KBTBD13: variants seen among roughly 807,000 people sequenced by gnomAD.
KBTBD13 encodes the protein kelch repeat and BTB domain-containing protein 13.
In KBTBD13, 32 loss-of-function variants were observed where a neutral mutation model predicts 25.4. The observed-to-expected ratio is 1.26, with a 90% CI of 0.95 to 1.69. KBTBD13 has a LOEUF of 1.69. KBTBD13 is among the 40% of genes most tolerant of loss of function. The pLI is 0.00. For missense variants in KBTBD13, 898 were observed against 679.5 expected (o/e 1.32, Z -3.57); for synonymous variants, 436 against 329.8 (o/e 1.32, Z -3.49).
At position 65,078,174 on chromosome 15, in the gene KBTBD13, G is replaced by T. The variant is rs756980652; in HGVS notation, c.1359G>T (p.Ser453=). ...CTGGCGCTCCTGGGCCTGTGACTTC[G>T]ACAACGGCAGAACTGTGACCTCTGG... is the stretch of plus-strand genomic sequence containing the variant. ...LPPGAPGPVT[S]TTAEL The change falls in exon 1 of 1, where the codon TCG becomes TCT. Residue 453 remains serine, a synonymous_variant. Transcript: ENST00000432196. 6 of 1,541,098 alleles carry T rather than the reference G, an allele frequency of 3.9e-6. No homozygotes were observed. Among genetic ancestry groups the T allele is most frequent in the Non-Finnish European group, 5.2e-6 (6 of 1,148,572 alleles).
chr15:65,077,287 G>T lies in KBTBD13; in HGVS notation c.472G>T (p.Ala158Ser). Reference protein sequence around the residue: ...YVAALRPSSYAAVSTHTPAPG... With the variant: ...YVAALRPSSYSAVSTHTPAPG... ...GGCGGCCCTGCGGCCCAGCAGCTACGCGGCCGTGAGCACGCACACGCCCGC... is the reference window on the plus strand; with the variant it reads ...GGCGGCCCTGCGGCCCAGCAGCTACTCGGCCGTGAGCACGCACACGCCCGC... Residue 158 changes from alanine (A) to serine (S), a missense_variant, in exon 1 of 1, where the codon GCG (alanine) becomes TCG (serine). By Grantham distance (99) the Ala-to-Ser change is moderately conservative (BLOSUM62 1). Coordinates refer to ENST00000432196, the MANE Select transcript of KBTBD13 (RefSeq NM_001101362.3). The T allele has an allele frequency of 7.2e-7, 1 of 1,397,940 alleles. No individual in the cohort carries two copies. The highest frequency in any genetic ancestry group is 9.2e-7 in the Non-Finnish European group (1 of 1,082,004). The allele number at this position is 1,397,940 out of a possible 1,614,324, so 86.6% of individuals were successfully genotyped here. A position where few individuals can be genotyped will look rare whatever the true frequency, so the allele number is the denominator to read the frequency against.
chr15:65,077,783 A>G lies in KBTBD13; in HGVS notation c.968A>G (p.Tyr323Cys). 1 of 1,587,602 alleles carries G rather than the reference A, an allele frequency of 6.3e-7. No individual in the cohort carries two copies. Among genetic ancestry groups the G allele is most frequent in the South Asian group, 1.1e-5 (1 of 88,762 alleles). Residue 323 changes from tyrosine (Y) to cysteine (C), a missense_variant, in exon 1 of 1, where the codon TAC becomes TGC. Coordinates refer to ENST00000432196, the MANE Select transcript of KBTBD13 (RefSeq NM_001101362.3). ...GCCGACACCACCGCCGTGGTGGAGT[A>G]CGCAGTGCGGACCGACGCGTGGCTG... is the stretch of plus-strand genomic sequence containing the variant. ...RPADTTAVVEYAVRTDAWLPV... is the reference protein window; with the variant it reads ...RPADTTAVVECAVRTDAWLPV...
Position 65,077,059 on chromosome 15 carries a change from G to A in KBTBD13, c.244G>A (p.Val82Met), listed in dbSNP as rs1303411209. The change falls in exon 1 of 1, where the codon GTG (valine) becomes ATG (methionine). Residue 82 changes from valine (V) to methionine (M), a missense_variant. Transcript: ENST00000432196. The part of the protein sequence containing the change: ...LAAEDELLQA[V>M]ECAAFLQAPA... The stretch of plus-strand genomic sequence containing the variant: ...GGCGGAGGACGAGCTGCTGCAGGCC[G>A]TGGAGTGCGCCGCCTTCCTCCAGGC... 4.0e-6 allele frequency: 6 copies of A among 1,511,784 alleles called. No individual in the cohort carries two copies. Among genetic ancestry groups the A allele is most frequent in the South Asian group, 3.7e-5 (3 of 81,236 alleles). 93.6% of individuals were successfully genotyped at this position (1,511,784 alleles called of 1,614,324 possible).
rs1239242945 is a variant in KBTBD13 at position 65,077,518 on chromosome 15, GGCGGCAC to G, written c.705_711del (p.Trp238SerfsTer202). The G allele has an allele frequency of 2.0e-6, 3 of 1,525,056 alleles. No individual in the cohort carries two copies. In the East Asian group the frequency reaches 7.4e-5, roughly 37 times the overall value. The allele number at this position is 1,525,056 out of a possible 1,614,324, so 94.5% of individuals were successfully genotyped here. On this transcript the variant is annotated frameshift_variant, in exon 1 of 1. Transcript: ENST00000432196. LOFTEE classifies it high-confidence loss of function. ...GCTGGGCTTCTGCTACGACCCCGAC[GGCGGCAC>G]GTGGCACGAGTTCCCCAGCCCGCAC...
Position 65,076,893 on chromosome 15 carries a change from G to A in KBTBD13, c.78G>A (p.Val26=). ...QLFQADRALL[V]EHCGFFRGLF... ...TCCAAGCCGACCGCGCCCTGCTGGT[G>A]GAGCACTGTGGCTTCTTCCGAGGCC... The change falls in exon 1 of 1, where the codon GTG becomes GTA. Residue 26 remains valine (V), a synonymous_variant. Coordinates refer to ENST00000432196, the MANE Select transcript of KBTBD13 (RefSeq NM_001101362.3). 3 of 1,565,676 alleles carry A rather than the reference G, an allele frequency of 1.9e-6. No individual in the cohort carries two copies. The highest frequency in any genetic ancestry group is 2.6e-6 in the Non-Finnish European group (3 of 1,163,308).
rs1207719180 is a variant in KBTBD13 at position 65,079,571 on chromosome 15, A to T, written c.*1379A>T. ...GCCACTAGTTAGGAACCTAGTGCTGACCTCTGTTGTTGGATGAGGACTCTC... is the reference window on the plus strand; with the variant it reads ...GCCACTAGTTAGGAACCTAGTGCTGTCCTCTGTTGTTGGATGAGGACTCTC... On this transcript the variant is annotated 3_prime_UTR_variant, in exon 1 of 1. Transcript: ENST00000432196. 1.3e-5 allele frequency among the ~76,000 whole-genome samples: 2 copies of T among 152,062 alleles called. No individual in the cohort carries two copies. The highest frequency in any genetic ancestry group is 2.9e-5 in the Non-Finnish European group (2 of 68,008).
Position 65,077,982 on chromosome 15 carries a change from C to T in KBTBD13, c.1167C>T (p.Ser389=). The T allele has an allele frequency of 6.2e-7, 1 of 1,610,318 alleles. No homozygotes were observed. The highest frequency in any genetic ancestry group is 8.5e-7 in the Non-Finnish European group (1 of 1,179,748). ...CGCTGCCCGGCCAGTTCGTCAACAGCAAGGGAGCGCTCTTCACGGCCGTGG... is the reference window on the plus strand; with the variant it reads ...CGCTGCCCGGCCAGTTCGTCAACAGTAAGGGAGCGCTCTTCACGGCCGTGG... ...WTALPGQFVN[S]KGALFTAVVR... Residue 389 remains serine, a synonymous_variant, in exon 1 of 1, where the codon AGC becomes AGT. Transcript: ENST00000432196.
chr15:65,077,775 G>A lies in KBTBD13; in HGVS notation c.960G>A (p.Val320=), dbSNP rs2086999925. 1.3e-6 allele frequency: 2 copies of A among 1,584,038 alleles called. No homozygotes were observed. Among genetic ancestry groups the A allele is most frequent in the African/African-American group, 1.3e-5 (1 of 74,528 alleles). ...GGCGGCCGGCCGACACCACCGCCGT[G>A]GTGGAGTACGCAGTGCGGACCGACG... is the stretch of plus-strand genomic sequence containing the variant. ...CLWRPADTTA[V]VEYAVRTDAW... The change falls in exon 1 of 1, where the codon GTG becomes GTA. Residue 320 remains valine (V), a synonymous_variant. Transcript: ENST00000432196.
rs1431328866 is a variant in KBTBD13 at position 65,077,571 on chromosome 15, G to A, written c.756G>A (p.Ala252=). The change falls in exon 1 of 1, where the codon GCG becomes GCA. Residue 252 remains alanine (A), a synonymous_variant. Transcript: ENST00000432196. ...PSPHQPRYDT[A]LAGFDGRLYA... ...CGCACCAGCCGCGCTATGACACAGC[G>A]CTGGCCGGCTTCGACGGCCGCCTCT... 18 of 1,557,430 alleles carry A rather than the reference G, an allele frequency of 1.2e-5. No homozygotes were observed. The East Asian group carries it at 4.3e-4, about 37-fold the overall frequency.
rs1418778622 is a variant in KBTBD13, at chr15:65,079,520, G to T, written c.*1328G>T. Among the ~76,000 whole-genome samples the T allele has an allele frequency of 1.3e-5, 2 of 152,210 alleles. No individual in the cohort carries two copies. Among genetic ancestry groups the T allele is most frequent in the Non-Finnish European group, 2.9e-5 (2 of 68,036 alleles). The stretch of plus-strand genomic sequence containing the variant: ...CCCTGTCCCAGATTAAAATGATGAT[G>T]CCTTGAAAGAACCCAGGCTACAGAG... On this transcript the variant is annotated 3_prime_UTR_variant, in exon 1 of 1. Transcript: ENST00000432196.
rs146041105 is a variant in KBTBD13 at position 65,079,590 on chromosome 15, G to T, written c.*1398G>T. 2.7e-4 allele frequency among the ~76,000 whole-genome samples: 41 copies of T among 152,330 alleles called. No homozygotes were observed. The highest frequency in any genetic ancestry group is 9.1e-4 in the African/African-American group (38 of 41,564). On this transcript the variant is annotated 3_prime_UTR_variant, in exon 1 of 1. Coordinates refer to ENST00000432196, the MANE Select transcript of KBTBD13 (RefSeq NM_001101362.3). The stretch of plus-strand genomic sequence containing the variant: ...GTGCTGACCTCTGTTGTTGGATGAG[G>T]ACTCTCGTTCCTTCATCAAAATCCC...
Position 65,077,818 on chromosome 15 carries a change from G to A in KBTBD13, c.1003G>A (p.Glu335Lys), listed in dbSNP as rs749801900. ...GACCGACGCGTGGCTGCCAGTGGCCGAGCTGCGGCGTCCGCAGAGCTATGG... is the reference window on the plus strand; with the variant it reads ...GACCGACGCGTGGCTGCCAGTGGCCAAGCTGCGGCGTCCGCAGAGCTATGG... ...VRTDAWLPVA[E>K]LRRPQSYGHC... The change falls in exon 1 of 1, where the codon GAG becomes AAG. Residue 335 changes from glutamate (E) to lysine (K), a missense_variant. By Grantham distance (56) the Glu-to-Lys change is moderately conservative (BLOSUM62 1). Transcript: ENST00000432196. 2 of 1,604,644 alleles carry A rather than the reference G, an allele frequency of 1.2e-6. No homozygotes were observed. The highest frequency in any genetic ancestry group is 1.1e-5 in the South Asian group (1 of 90,438).
chr15:65,077,727 T>C lies in KBTBD13; in HGVS notation c.912T>C (p.Cys304=). The change falls in exon 1 of 1, where the codon TGT becomes TGC. Residue 304 remains cysteine, a synonymous_variant. Transcript: ENST00000432196. ...PAAGVPCAQA[C]GRLFVCLWRP... ...CCGGCGTGCCCTGCGCCCAGGCTTGTGGCCGTCTCTTCGTGTGCCTGTGGC... is the reference window on the plus strand; with the variant it reads ...CCGGCGTGCCCTGCGCCCAGGCTTGCGGCCGTCTCTTCGTGTGCCTGTGGC... The C allele has an allele frequency of 1.9e-6, 3 of 1,584,932 alleles. No individual in the cohort carries two copies. The highest frequency in any genetic ancestry group is 2.3e-5 in the East Asian group (1 of 43,714).
Position 65,078,099 on chromosome 15 carries a change from C to T in KBTBD13, c.1284C>T (p.Ala428=), listed in dbSNP as rs901119846. 2 of 1,583,786 alleles carry T rather than the reference C, an allele frequency of 1.3e-6. No individual in the cohort carries two copies. The highest frequency in any genetic ancestry group is 1.1e-5 in the South Asian group (1 of 88,202). The change falls in exon 1 of 1, where the codon GCC becomes GCT. Residue 428 remains alanine, a synonymous_variant. Transcript: ENST00000432196. ...GGTWRLLREK[A]GFPRPGSLQT... ...CCTGGCGGCTGCTCAGGGAGAAAGC[C>T]GGCTTCCCGCGGCCCGGCTCCTTGC...
rs1174712452 is a variant in KBTBD13, at chr15:65,076,934, T to C, written c.119T>C (p.Met40Thr). The C allele has an allele frequency of 1.9e-6, 3 of 1,557,276 alleles. No homozygotes were observed. The highest frequency in any genetic ancestry group is 1.7e-6 in the Non-Finnish European group (2 of 1,159,130). ...GFFRGLFRSGMRETRAAEVRL... is the reference protein window; with the variant it reads ...GFFRGLFRSGTRETRAAEVRL... ...TTCCGAGGCCTCTTCCGCTCCGGCA[T>C]GCGGGAGACCCGCGCAGCAGAGGTG... Residue 40 changes from methionine (M) to threonine (T), a missense_variant, in exon 1 of 1, where the codon ATG (methionine) becomes ACG (threonine). Met to Thr is a moderately conservative substitution (Grantham distance 81, BLOSUM62 -1). Coordinates refer to ENST00000432196, the MANE Select transcript of KBTBD13 (RefSeq NM_001101362.3).
In KBTBD13 at chr15:65,077,029, C is replaced by T. The variant is rs550537101; in HGVS notation, c.214C>T (p.Leu72=). 615 of 1,499,150 alleles carry T rather than the reference C, an allele frequency of 4.1e-4. 4 individuals are homozygous for T. The African/African-American group carries it at 6.7e-3, about 16-fold the overall frequency. 92.9% of individuals were successfully genotyped at this position (1,499,150 alleles called of 1,614,324 possible). A position where few individuals can be genotyped will look rare whatever the true frequency, so the allele number is the denominator to read the frequency against. Residue 72 remains leucine (L), a synonymous_variant, in exon 1 of 1, where the codon CTG becomes TTG. Transcript: ENST00000432196. The part of the protein sequence containing the change: ...LQVLRGDRPA[L]AAEDELLQAV... ...GGTGCTGCGCGGCGACCGGCCGGCGCTGGCGGCGGAGGACGAGCTGCTGCA... is the reference window on the plus strand; with the variant it reads ...GGTGCTGCGCGGCGACCGGCCGGCGTTGGCGGCGGAGGACGAGCTGCTGCA...
Position 65,077,862 on chromosome 15 carries a change from C to T in KBTBD13, c.1047C>T (p.His349=), listed in dbSNP as rs1446364176. ...GCTATGGCCACTGCATGGTGGCCCA[C>T]CGCGACAGCCTCTATGTGGTGCGCA... ...PQSYGHCMVA[H]RDSLYVVRNG... The change falls in exon 1 of 1, where the codon CAC becomes CAT. Residue 349 remains histidine, a synonymous_variant. Coordinates refer to ENST00000432196, the MANE Select transcript of KBTBD13 (RefSeq NM_001101362.3). 5 of 1,611,100 alleles carry T rather than the reference C, an allele frequency of 3.1e-6. No homozygotes were observed.
At position 65,077,381 on chromosome 15, in the gene KBTBD13, C is replaced by T. The variant is rs2086990476; in HGVS notation, c.566C>T (p.Thr189Met). 1 of 1,514,864 alleles carries T rather than the reference C, an allele frequency of 6.6e-7. No homozygotes were observed. Among genetic ancestry groups the T allele is most frequent in the Non-Finnish European group, 8.8e-7 (1 of 1,133,494 alleles). The allele number at this position is 1,514,864 out of a possible 1,614,324, so 93.8% of individuals were successfully genotyped here. The change falls in exon 1 of 1, where the codon ACG becomes ATG. Residue 189 changes from threonine (T) to methionine (M), a missense_variant. Thr to Met is a moderately conservative substitution (Grantham distance 81). Coordinates refer to ENST00000432196, the MANE Select transcript of KBTBD13 (RefSeq NM_001101362.3). ...GACGAGGAAGAGGACGCGTGGCGCA[C>T]GCTGGCTGCGCTGCCCCTGGAGGCC... ...YLDEEEDAWR[T>M]LAALPLEAST...
Position 65,078,042 on chromosome 15 carries a change from G to A in KBTBD13, c.1227G>A (p.Met409Ile). 1.2e-6 allele frequency: 2 copies of A among 1,602,926 alleles called. No individual in the cohort carries two copies. The highest frequency in any genetic ancestry group is 1.7e-6 in the Non-Finnish European group (2 of 1,179,490). Residue 409 changes from methionine (M) to isoleucine (I), a missense_variant, in exon 1 of 1, where the codon ATG becomes ATA. Met to Ile is a conservative substitution (Grantham distance 10). Coordinates refer to ENST00000432196, the MANE Select transcript of KBTBD13 (RefSeq NM_001101362.3). ...RGDTVYTVNRMFTLLYAIEGG... is the reference protein window; with the variant it reads ...RGDTVYTVNRIFTLLYAIEGG... ...ACACCGTCTATACGGTCAACCGCAT[G>A]TTCACGCTGCTCTACGCCATCGAGG... is the stretch of plus-strand genomic sequence containing the variant.
Sources: gnomAD v4.1 joint callset for allele counts (sites outside exome capture counted in the v4.1 genomes callset) on GRCh38, gnomAD v4.1.1 for gene constraint, MANE v1.5 for transcripts, NCBI Gene and HGNC (gene_info 2026-07-23, HGNC 2026-07-21) for gene names.